ADAMTS9: variants seen among roughly 807,000 people sequenced by gnomAD.
ADAMTS9 encodes ADAM metallopeptidase with thrombospondin type 1 motif 9, also known as A disintegrin and metalloproteinase with thrombospondin motifs 9.
In ADAMTS9, 107 loss-of-function variants were observed where a neutral mutation model predicts 257.1. The ratio of observed to expected loss-of-function variants is 0.42; its 90% CI spans 0.36 to 0.49. The LOEUF is 0.49. Ranked by LOEUF, ADAMTS9 falls within the 20% of genes least tolerant of loss-of-function variation. ADAMTS9 has a pLI of 0.03. For synonymous variants in ADAMTS9, 982 were observed against 880.9 expected (o/e 1.11, Z -2.03); for missense variants, 2,353 against 2,469.1 (o/e 0.95, Z 1.00).
chr3:64,605,962 A>G (rs763238342), intron 23 of ADAMTS9, among the ~76,000 whole-genome samples: 1 of 152,224 alleles, frequency 6.6e-6, no homozygotes, highest in Non-Finnish European at 1.5e-5. Flanking sequence ...TTTTTGCTGA[A>G]CTTTTGAACC....
chr3:64,589,105 A>G (rs1280376719), intron 28 of ADAMTS9: 2 of 152,256 alleles, frequency 1.3e-5, no homozygotes, highest in Non-Finnish European at 2.9e-5. Flanking sequence ...TATTCCTTAT[A>G]GTCAAAATCT....
intron 16 of ADAMTS9, among the ~76,000 whole-genome samples, chr3:64,628,798 G>A (rs967602344): frequency 2.0e-5 from 3 of 152,204 alleles, no homozygotes; most frequent in Non-Finnish European, 4.4e-5. Context: ...ATTAAAGACA[G>A]CATTGACAAC....
intron 39 of ADAMTS9, among the ~76,000 whole-genome samples, chr3:64,518,741 A>T (rs1473315823): frequency 1.4e-5 from 2 of 139,030 alleles, no homozygotes; most frequent in East Asian, 4.6e-4. Context: ...AGTTCTGCCG[A>T]GGGAATTTAT....
intron 3 of ADAMTS9, among the ~76,000 whole-genome samples, chr3:64,669,577 T>A (rs927214290): frequency 6.6e-6 from 1 of 152,224 alleles, no homozygotes; most frequent in Non-Finnish European, 1.5e-5. Context: ...AATTCTTATA[T>A]TTTATAAGAT....
At chr3:64,603,019 GTGTT>G (rs1326793930) in intron 25 of ADAMTS9, among the ~76,000 whole-genome samples, 1 of 152,196 alleles carries the variant, frequency 6.6e-6, no homozygotes, top group African/African-American at 2.4e-5. Flanking sequence ...GCATGGATAA[GTGTT>G]TGGAAGCTCA....
intron 16 of ADAMTS9, among the ~76,000 whole-genome samples, chr3:64,630,553 G>A (rs547417385): frequency 2.6e-5 from 4 of 152,088 alleles, no homozygotes; most frequent in South Asian, 2.1e-4. Flanking sequence ...CTCCAGCCTC[G>A]GTGACAGAGT....
In ADAMTS9 at chr3:64,528,475, T is replaced by G. The variant is rs143080677; in HGVS notation, c.5718+4691A>C. 6.2e-4 allele frequency among the ~76,000 whole-genome samples: 94 copies of G among 152,230 alleles called. No homozygotes were observed. The East Asian group carries it at 0.011, about 18-fold the overall frequency. Reference sequence around the variant, plus strand: ...TATCTAAGCAGAGTGAGGAGAAACTTTACGACCCCTAGCTGAGCTGGTGCA... The same window carrying G: ...TATCTAAGCAGAGTGAGGAGAAACTGTACGACCCCTAGCTGAGCTGGTGCA... On this transcript the variant is annotated intron_variant, in intron 38 of 39. Transcript: ENST00000498707.
intron 29 of ADAMTS9, among the ~76,000 whole-genome samples, chr3:64,564,547 G>C (rs999228584): frequency 7.2e-5 from 11 of 151,870 alleles, no homozygotes; most frequent in Non-Finnish European, 1.3e-4. Context: ...TATATGCTAG[G>C]GTTTCTATAC....
intron 3 of ADAMTS9, among the ~76,000 whole-genome samples, chr3:64,667,153 C>T (rs762327245): frequency 9.2e-5 from 14 of 152,082 alleles, no homozygotes; most frequent in Non-Finnish European, 1.9e-4. Context: ...TTTGGGCTGG[C>T]CTGAACCTTT....
intron 32 of ADAMTS9, among the ~76,000 whole-genome samples, chr3:64,544,686 T>C (rs9841513): frequency 0.19 from 28,804 of 152,052 alleles, 3,533 homozygotes; most frequent in African/African-American, 0.33. Flanking sequence ...GGCAATACCA[T>C]TCAGGACATA....
rs1333201357 is a variant in ADAMTS9, at chr3:64,516,055, C to T, written c.*1072G>A. 1.3e-5 allele frequency: 2 copies of T among 152,196 alleles called. No individual in the cohort carries two copies. Among genetic ancestry groups the T allele is most frequent in the East Asian group, 3.9e-4 (2 of 5,194 alleles). The allele number at this position is 152,196 out of a possible 1,614,324, so 9.4% of individuals were successfully genotyped here. ...GCATGAAAACCGGCAGGGTGTTAGG[C>T]TCATGGCCTGAAGAGAAGTCACATC... On this transcript the variant is annotated 3_prime_UTR_variant, in exon 40 of 40. Coordinates refer to ENST00000498707, the MANE Select transcript of ADAMTS9 (RefSeq NM_182920.2).
chr3:64,619,605 A>G (rs1700055995), intron 19 of ADAMTS9, among the ~76,000 whole-genome samples: 1 of 152,218 alleles, frequency 6.6e-6, no homozygotes, highest in Admixed American at 6.5e-5. Flanking sequence ...TTATATTAAC[A>G]GGATAATAGA....
chr3:64,630,614 G>C (rs1455144968), intron 16 of ADAMTS9, among the ~76,000 whole-genome samples: 3 of 152,082 alleles, frequency 2.0e-5, no homozygotes, highest in Non-Finnish European at 4.4e-5. Flanking sequence ...AATGGGGCTT[G>C]TGGGATGCAG....
chr3:64,594,588 G>C (rs762533758), intron 27 of ADAMTS9, among the ~76,000 whole-genome samples, 154 bp from the exon 28 acceptor site: 3 of 152,310 alleles, frequency 2.0e-5, no homozygotes, highest in Non-Finnish European at 2.9e-5. Flanking sequence ...ATAGTGATAC[G>C]TAAAACAGAC....
intron 39 of ADAMTS9, among the ~76,000 whole-genome samples, chr3:64,517,756 G>A (rs1005276037): frequency 7.3e-5 from 11 of 151,598 alleles, no homozygotes; most frequent in Non-Finnish European, 1.3e-4. Flanking sequence ...TTGTATATAC[G>A]TGCTATATAA....
Position 64,631,865 on chromosome 3 carries a change from C to G in ADAMTS9, c.2236G>C (p.Gly746Arg), listed in dbSNP as rs1700374702. 6.2e-7 allele frequency: 1 copy of G among 1,614,014 alleles called. No individual in the cohort carries two copies. The highest frequency in any genetic ancestry group is 8.5e-7 in the Non-Finnish European group (1 of 1,179,948). The change falls in exon 15 of 40, where the codon GGT becomes CGT. Residue 746 changes from glycine (G) to arginine (R), a missense_variant. By Grantham distance (125) the Gly-to-Arg change is moderately radical. Coordinates refer to ENST00000498707, the MANE Select transcript of ADAMTS9 (RefSeq NM_182920.2). ...KARRDKCGVC[G>R]GDNSSCKTVA... is the part of the protein sequence containing the mutation. ...GTTTTGCATGAAGAATTATCGCCAC[C>G]ACAAACCCCACATTTATCTCTCCGG...
intron 32 of ADAMTS9, 22 bp from the exon 33 acceptor site, chr3:64,541,992 G>A (rs2083130100): frequency 6.2e-7 from 1 of 1,613,826 alleles, no homozygotes; most frequent in African/African-American, 1.3e-5. Flanking sequence ...ATGAGAGTCA[G>A]CGGTGTGGCT....
intron 3 of ADAMTS9, among the ~76,000 whole-genome samples, chr3:64,678,067 T>TG (rs1377247603): frequency 6.6e-6 from 1 of 152,186 alleles, no homozygotes; most frequent in Non-Finnish European, 1.5e-5. Flanking sequence ...CATTGTGTCT[T>TG]GCCCTGCTCC....
At chr3:64,642,610 G>A (rs1260385755) in intron 11 of ADAMTS9, among the ~76,000 whole-genome samples, 1 of 152,164 alleles carries the variant, frequency 6.6e-6, no homozygotes, top group African/African-American at 2.4e-5. Flanking sequence ...AGGCCATGAC[G>A]TTTAAAAAAT....
Sources: gnomAD v4.1 joint callset for allele counts (sites outside exome capture counted in the v4.1 genomes callset) on GRCh38, gnomAD v4.1.1 for gene constraint, MANE v1.5 for transcripts, NCBI Gene and HGNC (gene_info 2026-07-23, HGNC 2026-07-21) for gene names.